The following CHST4 variants were observed in gnomAD, a reference collection of about 807,000 sequenced individuals.
CHST4 encodes the protein GST-3.
For missense variants in CHST4, 466 were observed against 506.0 expected, an observed-to-expected ratio of 0.92 and a Z score of 0.76; for synonymous variants, 171 against 195.5, an observed-to-expected ratio of 0.87 and a Z score of 1.05.
At chr16:71,535,494 A>T (rs1198476901) in intron 1 of CHST4, among the ~76,000 whole-genome samples, 1 of 152,184 alleles carries the variant, frequency 6.6e-6, no homozygotes, top group Non-Finnish European at 1.5e-5. Context: ...ATTTTGTTGG[A>T]CCAAGATACT....
At chr16:71,534,040 CAA>C (rs573885766) in intron 1 of CHST4, among the ~76,000 whole-genome samples, 45 of 86,262 alleles carry the variant, frequency 5.2e-4, no homozygotes, top group Admixed American at 8.9e-4. Context: ...GACCCCATCT[CAA>C]AAAAAAAAAA....
Position 71,537,967 on chromosome 16 carries a change from G to A in CHST4, c.*129G>A. On this transcript the variant is annotated 3_prime_UTR_variant, in exon 2 of 2. Transcript: ENST00000539698. The surrounding 1 kb of genome is among the most constrained non-coding windows in gnomAD (Gnocchi z 4.2). ...GGGTATCACACTGAGTGTGAGTTGT[G>A]TCCACACGTGCTCAAGCAGAAGGAC... 2.4e-6 allele frequency: 2 copies of A among 820,096 alleles called. No homozygotes were observed. The highest frequency in any genetic ancestry group is 5.7e-5 in the Admixed American group (2 of 35,068). The allele number at this position is 820,096 out of a possible 1,614,324, so 50.8% of individuals were successfully genotyped here. A position where few individuals can be genotyped will look rare whatever the true frequency, so the allele number is the denominator to read the frequency against.
chr16:71,528,243 T>A (rs1223611606), intron 1 of CHST4, among the ~76,000 whole-genome samples: 4 of 113,068 alleles, frequency 3.5e-5, no homozygotes, highest in Non-Finnish European at 5.5e-5. Flanking sequence ...GAGCAAGACT[T>A]CATTTCAAAA....
In CHST4 at chr16:71,537,396, A is replaced by G; in HGVS notation, c.719A>G (p.Asp240Gly). 1 of 1,614,130 alleles carries G rather than the reference A, an allele frequency of 6.2e-7. No individual in the cohort carries two copies. The highest frequency in any genetic ancestry group is 1.3e-5 in the African/African-American group (1 of 75,036). ...GQHEQKLKKE[D>G]QPYYVMQVIC... ...CATGAGCAAAAACTCAAGAAGGAGG[A>G]CCAACCCTACTATGTGATGCAGGTC... Residue 240 changes from aspartate (D) to glycine (G), a missense_variant, in exon 2 of 2, where the codon GAC becomes GGC. Transcript: ENST00000539698. This position sits in a 1 kb window ranked among gnomAD's most constrained non-coding sequence, Gnocchi z 4.2.
In CHST4 at chr16:71,538,659, G is replaced by C. The variant is rs1597040558; in HGVS notation, c.*821G>C. ...CTATTATCTATCACCCATTTATACAGAAAATTGCTAAGATAATATTTGGTT... is the reference window on the plus strand; with the variant it reads ...CTATTATCTATCACCCATTTATACACAAAATTGCTAAGATAATATTTGGTT... On this transcript the variant is annotated 3_prime_UTR_variant, in exon 2 of 2. Coordinates refer to ENST00000539698, the MANE Select transcript of CHST4 (RefSeq NM_001166395.2). 6.2e-6 allele frequency: 1 copy of C among 162,586 alleles called. No homozygotes were observed. Among genetic ancestry groups the C allele is most frequent in the East Asian group, 1.9e-4 (1 of 5,200 alleles). The allele number at this position is 162,586 out of a possible 1,614,324, so 10.1% of individuals were successfully genotyped here.
chr16:71,534,823 G>A (rs2145206277), intron 1 of CHST4, among the ~76,000 whole-genome samples: 1 of 152,288 alleles, frequency 6.6e-6, no homozygotes, highest in Admixed American at 6.5e-5. Context: ...AAAGCTGGAA[G>A]GGAGAATTTC....
chr16:71,535,364 G>C (rs533512328), intron 1 of CHST4, among the ~76,000 whole-genome samples: 157 of 152,176 alleles, frequency 1.0e-3, no homozygotes, highest in African/African-American at 3.6e-3. Flanking sequence ...GTAGAGACAG[G>C]GTTTTGCCAT....
At chr16:71,531,894 C>T (rs2043950610) in intron 1 of CHST4, among the ~76,000 whole-genome samples, 1 of 152,054 alleles carries the variant, frequency 6.6e-6, no homozygotes, top group Admixed American at 6.5e-5. Flanking sequence ...CTCACATTGC[C>T]CTTAGGAGAA....
chr16:71,533,202 A>G (rs1355805116), intron 1 of CHST4, among the ~76,000 whole-genome samples: 1 of 152,130 alleles, frequency 6.6e-6, no homozygotes, highest in Non-Finnish European at 1.5e-5. Context: ...AGGCGGGCAG[A>G]CAACTTGAGG....
intron 1 of CHST4, among the ~76,000 whole-genome samples, chr16:71,533,194 G>A (rs145648447): frequency 0.025 from 3,758 of 152,206 alleles, 155 homozygotes; most frequent in African/African-American, 0.086. Flanking sequence ...GGAGGCTGAG[G>A]CGGGCAGACA....
intron 1 of CHST4, among the ~76,000 whole-genome samples, chr16:71,532,759 T>C (rs1235181235): frequency 6.6e-6 from 1 of 152,214 alleles, no homozygotes; most frequent in African/African-American, 2.4e-5. Context: ...AAGGCTACCT[T>C]CATACATGTG....
chr16:71,537,519 G>C lies in CHST4; in HGVS notation c.842G>C (p.Arg281Pro). Residue 281 changes from arginine (R) to proline (P), a missense_variant, in exon 2 of 2, where the codon CGA becomes CCA. By Grantham distance (103) the Arg-to-Pro change is moderately radical. Coordinates refer to ENST00000539698, the MANE Select transcript of CHST4 (RefSeq NM_001166395.2). The surrounding 1 kb of genome is among the most constrained non-coding windows in gnomAD (Gnocchi z 4.2). ...CTTGTGCGCTATGAGGACCTGGCTC[G>C]AGCCCCTGTGGCCCAGACTTCCCGA... ...YLLVRYEDLA[R>P]APVAQTSRMY... The C allele has an allele frequency of 6.2e-7, 1 of 1,614,136 alleles. No individual in the cohort carries two copies. Among genetic ancestry groups the C allele is most frequent in the South Asian group, 1.1e-5 (1 of 91,082 alleles).
At chr16:71,530,851 C>T (rs2043943330) in intron 1 of CHST4, among the ~76,000 whole-genome samples, 1 of 152,096 alleles carries the variant, frequency 6.6e-6, no homozygotes. Flanking sequence ...GAGGCCGAGG[C>T]AGGTGGATCA....
intron 1 of CHST4, among the ~76,000 whole-genome samples, chr16:71,528,128 T>C (rs1038169897): frequency 1.1e-4 from 16 of 151,748 alleles, no homozygotes; most frequent in Middle Eastern, 3.4e-3. Flanking sequence ...ATACAAAAAA[T>C]TAGCCAGGTC....
In CHST4 at chr16:71,537,295, C is replaced by A; in HGVS notation, c.618C>A (p.Asp206Glu). ...TGCATATCGTGCACCTGGTCCGGGA[C>A]CCCCGGGCCGTGTTCCGTTCCCGAG... ...LNLHIVHLVR[D>E]PRAVFRSRER... Residue 206 changes from aspartate (D) to glutamate (E), a missense_variant, in exon 2 of 2, where the codon GAC becomes GAA. By Grantham distance (45) the Asp-to-Glu change is conservative (BLOSUM62 2). Coordinates refer to ENST00000539698, the MANE Select transcript of CHST4 (RefSeq NM_001166395.2). The surrounding 1 kb of genome is among the most constrained non-coding windows in gnomAD (Gnocchi z 4.2). 6.2e-7 allele frequency: 1 copy of A among 1,614,206 alleles called. No homozygotes were observed. Among genetic ancestry groups the A allele is most frequent in the Non-Finnish European group, 8.5e-7 (1 of 1,180,040 alleles).
At position 71,537,957 on chromosome 16, in the gene CHST4, T is replaced by C. The variant is rs1439515368; in HGVS notation, c.*119T>C. ...ACATGTCTGTGGGTATCACACTGAG[T>C]GTGAGTTGTGTCCACACGTGCTCAA... On this transcript the variant is annotated 3_prime_UTR_variant, in exon 2 of 2. Transcript: ENST00000539698. The surrounding 1 kb of genome is among the most constrained non-coding windows in gnomAD (Gnocchi z 4.2). 1.1e-6 allele frequency: 1 copy of C among 914,618 alleles called. No individual in the cohort carries two copies. Among genetic ancestry groups the C allele is most frequent in the African/African-American group, 1.7e-5 (1 of 59,608 alleles). 56.7% of individuals were successfully genotyped at this position (914,618 alleles called of 1,614,324 possible).
At chr16:71,531,617 T>G (rs1368691839) in intron 1 of CHST4, among the ~76,000 whole-genome samples, 1 of 152,110 alleles carries the variant, frequency 6.6e-6, no homozygotes, top group African/African-American at 2.4e-5. Context: ...CAGCAGCAGT[T>G]GGCAGGCAAG....
In CHST4 at chr16:71,537,704, G is replaced by T. The variant is rs774147806; in HGVS notation, c.1027G>T (p.Val343Phe). 1.2e-6 allele frequency: 2 copies of T among 1,614,046 alleles called. No individual in the cohort carries two copies. The highest frequency in any genetic ancestry group is 1.7e-6 in the Non-Finnish European group (2 of 1,180,040). Residue 343 changes from valine to phenylalanine, a missense_variant, in exon 2 of 2, where the codon GTT becomes TTT. Transcript: ENST00000539698. This position sits in a 1 kb window ranked among gnomAD's most constrained non-coding sequence, Gnocchi z 4.2. ...AWRWSLPYEKVSRLQKACGDA... is the reference protein window; with the variant it reads ...AWRWSLPYEKFSRLQKACGDA... Reference sequence around the variant, plus strand: ...GCGCTGGTCTTTGCCCTATGAAAAGGTTTCTCGACTTCAGAAAGCCTGTGG... The same window carrying T: ...GCGCTGGTCTTTGCCCTATGAAAAGTTTTCTCGACTTCAGAAAGCCTGTGG...
intron 1 of CHST4, among the ~76,000 whole-genome samples, chr16:71,534,438 A>G (rs2043972879): frequency 6.6e-6 from 1 of 150,394 alleles, no homozygotes; most frequent in South Asian, 2.1e-4. Context: ...GCTCACTGCA[A>G]TCTCTGCCTT....
Sources: gnomAD v4.1 joint callset for allele counts (sites outside exome capture counted in the v4.1 genomes callset) on GRCh38, gnomAD v4.1.1 for gene constraint, Gnocchi (gnomAD v3.1) non-coding constraint, MANE v1.5 for transcripts, NCBI Gene and HGNC (gene_info 2026-07-23, HGNC 2026-07-21) for gene names.